Variants in CYFIP2 observed in about 807,000 individuals in gnomAD.
The protein encoded by CYFIP2 is cytoplasmic FMR1 interacting protein 2.
Under a neutral mutation model 158.7 loss-of-function variants are expected in CYFIP2, and 29 were observed. The ratio of observed to expected loss-of-function variants is 0.18; its 90% CI spans 0.14 to 0.25. The LOEUF is 0.25. CYFIP2 is among the 10% of genes least tolerant of loss of function. CYFIP2 has a pLI of 1.00. For synonymous variants in CYFIP2, 585 were observed against 617.6 expected (o/e 0.95, Z 0.78); for missense variants, 852 against 1,639.5 (o/e 0.52, Z 8.29).
chr5:157,377,073 A>C, intron 26 of CYFIP2: 3 of 307,346 alleles, frequency 9.8e-6, no homozygotes, highest in Non-Finnish European at 1.3e-5. Context: ...ACTTCCTTCT[A>C]TCTCCTTTGC....
At chr5:157,369,886 T>TTTTTTTTG (rs1561774796) in intron 26 of CYFIP2, among the ~76,000 whole-genome samples, 22 of 148,924 alleles carry the variant, frequency 1.5e-4, no homozygotes, top group Non-Finnish European at 2.4e-4. Context: ...CTAGTTTTTT[T>TTTTTTTTG]TTTTTTTTTT....
intron 23 of CYFIP2, among the ~76,000 whole-genome samples, chr5:157,356,434 C>T (rs1198883090): frequency 1.3e-5 from 2 of 152,148 alleles, no homozygotes; most frequent in Non-Finnish European, 1.5e-5. Flanking sequence ...GATTCCAAAT[C>T]CTAATTTGGA....
At chr5:157,365,513 T>C (rs1473623488) in intron 26 of CYFIP2, 1 of 152,132 alleles carries the variant, frequency 6.6e-6, no homozygotes, top group East Asian at 1.9e-4. Flanking sequence ...GCATCATTTT[T>C]CTGGTTTTTG....
intron 22 of CYFIP2, among the ~76,000 whole-genome samples, chr5:157,340,760 G>A (rs1762189457): frequency 6.6e-6 from 1 of 152,196 alleles, no homozygotes; most frequent in Non-Finnish European, 1.5e-5. Context: ...AACCAAACTG[G>A]AGGTAGAGGA....
At chr5:157,312,059 A>G (rs771337251) in intron 11 of CYFIP2, among the ~76,000 whole-genome samples, 1 of 152,216 alleles carries the variant, frequency 6.6e-6, no homozygotes, top group African/African-American at 2.4e-5. Context: ...AGGTTCATTG[A>G]GAGGATTAAA....
intron 23 of CYFIP2, among the ~76,000 whole-genome samples, chr5:157,343,950 C>T (rs893749793): frequency 1.1e-4 from 17 of 152,210 alleles, no homozygotes; most frequent in African/African-American, 4.1e-4. Flanking sequence ...TCCCCTCAGG[C>T]AATTGATTCA....
chr5:157,309,703 C>T, intron 9 of CYFIP2, 40 bp from the exon 10 acceptor site: 2 of 1,558,888 alleles, frequency 1.3e-6, no homozygotes, highest in Non-Finnish European at 8.7e-7. Context: ...ACCCCAACCC[C>T]TCCTCAGCAT....
intron 21 of CYFIP2, among the ~76,000 whole-genome samples, chr5:157,337,642 C>A (rs1411977108): frequency 2.6e-5 from 4 of 152,220 alleles, no homozygotes; most frequent in Non-Finnish European, 5.9e-5. Context: ...GCTCTGGTCT[C>A]CATCTAGGGG....
In CYFIP2 at chr5:157,323,927, A is replaced by C. The variant is rs1211552023; in HGVS notation, c.1678A>C (p.Met560Leu). ...AVGPSSTQLY[M>L]VRTMLESLIA... ...TCTTGCTTTCTTTTTCAAGCTGTAC[A>C]TGGTGCGGACCATGCTTGAATCACT... The change falls in exon 16 of 31, where the codon ATG (methionine) becomes CTG (leucine). Residue 560 changes from methionine to leucine, a missense_variant. Met to Leu is a conservative substitution (Grantham distance 15, BLOSUM62 2). Transcript: ENST00000620254. The C allele has an allele frequency of 6.3e-7, 1 of 1,581,126 alleles. No individual in the cohort carries two copies. Among genetic ancestry groups the C allele is most frequent in the Non-Finnish European group, 8.6e-7 (1 of 1,162,146 alleles).
At chr5:157,286,986 C>T (rs1281968291) in intron 2 of CYFIP2, 33 bp from the exon 3 acceptor site, 1 of 1,588,994 alleles carries the variant, frequency 6.3e-7, no homozygotes, top group South Asian at 1.1e-5. Flanking sequence ...TGTTTTCTAA[C>T]AACCAAAATG....
rs1363710900 is a variant in CYFIP2 at position 157,304,323 on chromosome 5, A to G, written c.752A>G (p.Asn251Ser). ...IVNICVDYYE[N>S]KMYLTPSEKH... ...AACATCTGTGTGGATTACTACGAGA[A>G]CAAGATGTACCTGACTCCCAGTGAG... Residue 251 changes from asparagine (N) to serine (S), a missense_variant, in exon 8 of 31, where the codon AAC (asparagine) becomes AGC (serine). By Grantham distance (46) the Asn-to-Ser change is conservative. This residue lies in a region of CYFIP2 where 133 missense variants were observed against 197.1 expected (regional missense o/e 0.67). Coordinates refer to ENST00000620254, the MANE Select transcript of CYFIP2 (RefSeq NM_001037333.3). 6.2e-7 allele frequency: 1 copy of G among 1,613,914 alleles called. No homozygotes were observed. The highest frequency in any genetic ancestry group is 1.3e-5 in the African/African-American group (1 of 74,928).
chr5:157,288,641 C>T (rs1254716391), intron 3 of CYFIP2: 1 of 455,906 alleles, frequency 2.2e-6, no homozygotes, highest in East Asian at 7.0e-5. Context: ...TCATTTGCTC[C>T]TGACATCAAC....
At chr5:157,313,749 T>C (rs1022478014) in intron 11 of CYFIP2, among the ~76,000 whole-genome samples, 1 of 152,250 alleles carries the variant, frequency 6.6e-6, no homozygotes, top group African/African-American at 2.4e-5. Context: ...AGTATGTTTG[T>C]GCATACACAC....
At chr5:157,384,393 G>T (rs1264562447) in intron 28 of CYFIP2, 1 of 456,758 alleles carries the variant, frequency 2.2e-6, no homozygotes, top group Admixed American at 2.3e-5. Context: ...AGCCAATGCT[G>T]ACTGTTTAAG....
intron 26 of CYFIP2, among the ~76,000 whole-genome samples, chr5:157,379,207 T>C (rs1352042415): frequency 6.6e-6 from 1 of 152,154 alleles, no homozygotes; most frequent in Non-Finnish European, 1.5e-5. Context: ...AAAATTTGAT[T>C]ATATTACTGC....
intron 23 of CYFIP2, chr5:157,343,144 G>T (rs1276065412): frequency 1.9e-6 from 3 of 1,614,106 alleles, no homozygotes; most frequent in Non-Finnish European, 2.5e-6. Flanking sequence ...ACTGGAGGCA[G>T]ATGAAGGCCA....
chr5:157,312,587 A>G (rs111298610), intron 11 of CYFIP2, among the ~76,000 whole-genome samples: 1 of 152,238 alleles, frequency 6.6e-6, no homozygotes, highest in East Asian at 1.9e-4. Context: ...TGACCCACGT[A>G]TGCTCACTGC....
chr5:157,373,926 T>G (rs1581172884), intron 26 of CYFIP2, among the ~76,000 whole-genome samples: 1 of 152,136 alleles, frequency 6.6e-6, no homozygotes, highest in African/African-American at 2.4e-5. Flanking sequence ...GAGGCTAGAG[T>G]GGCAATCATT....
chr5:157,352,849 G>GT (rs1439947523), intron 23 of CYFIP2, among the ~76,000 whole-genome samples: 23 of 152,156 alleles, frequency 1.5e-4, no homozygotes, highest in Non-Finnish European at 2.9e-5. Flanking sequence ...ACATGCTATC[G>GT]TAAGTGTCAT....
Sources: gnomAD v4.1 joint callset for allele counts (sites outside exome capture counted in the v4.1 genomes callset) on GRCh38, gnomAD v4.1.1 for gene constraint, gnomAD v4.1.1 regional missense constraint, MANE v1.5 for transcripts, NCBI Gene and HGNC (gene_info 2026-07-23, HGNC 2026-07-21) for gene names.